Variants in TELO2 observed in about 807,000 individuals in gnomAD.
TELO2 encodes the protein telomere length regulation protein TEL2 homolog.
TELO2 carries 71 observed loss-of-function variants against 91.0 expected under a neutral mutation model. That is an observed-to-expected ratio of 0.78 (90% CI 0.64 to 0.95). The LOEUF (loss-of-function observed/expected upper bound fraction) is 0.95. TELO2 is among the 40% of genes least tolerant of loss of function. The pLI, the probability that TELO2 is intolerant of heterozygous loss-of-function variation, is 0.00. For synonymous variants in TELO2, 584 were observed against 518.9 expected, an observed-to-expected ratio of 1.13 and a Z score of -1.71; for missense variants, 1,183 against 1,141.3, an observed-to-expected ratio of 1.04 and a Z score of -0.53.
intron 13 of TELO2, 72 bp from the exon 14 acceptor site, chr16:1,502,573 C>T: frequency 1.9e-6 from 3 of 1,564,060 alleles, no homozygotes; most frequent in African/African-American, 1.3e-5. Context: ...GGCTCCGGCC[C>T]TGTGAGCCTC....
rs1167676872 is a variant in TELO2, at chr16:1,497,857, A to G, written c.830+349A>G. On this transcript the variant is annotated intron_variant, in intron 5 of 20. Transcript: ENST00000262319. This position sits in a 1 kb window ranked among gnomAD's most constrained non-coding sequence, Gnocchi z 4.0. ...GTGATGGGCGGTGACTCACTTCCCC[A>G]CGTCTTTGTGCAGGAGAATCAAGGT... Among the ~76,000 whole-genome samples, 2 of 151,864 alleles carry G rather than the reference A, an allele frequency of 1.3e-5. No homozygotes were observed. The highest frequency in any genetic ancestry group is 2.4e-5 in the African/African-American group (1 of 41,310).
chr16:1,505,531 G>A lies in TELO2; in HGVS notation c.1964G>A (p.Ser655Asn), dbSNP rs1232096085. Residue 655 changes from serine to asparagine, a missense_variant, in exon 16 of 21, where the codon AGT (serine) becomes AAT (asparagine). Physicochemically the swap from Ser to Asn is conservative, Grantham distance 46. Transcript: ENST00000262319. The surrounding 1 kb of genome is among the most constrained non-coding windows in gnomAD (Gnocchi z 4.3). ...GAGGCAGCCGTCTCTCAGCCTGGCA[G>A]TGCCGTGGCGTCTGACTGGCGGGTG... is the stretch of plus-strand genomic sequence containing the variant. The part of the protein sequence containing the change: ...LPEAAVSQPG[S>N]AVASDWRVVV... The A allele has an allele frequency of 1.2e-6, 2 of 1,613,118 alleles. No homozygotes were observed. The highest frequency in any genetic ancestry group is 8.5e-7 in the Non-Finnish European group (1 of 1,179,972).
At chr16:1,506,707 G>A in intron 17 of TELO2, 1 of 1,386,506 alleles carries the variant, frequency 7.2e-7, no homozygotes, top group Non-Finnish European at 9.4e-7. Context: ...GGCCTGGGTT[G>A]TGCTGCAGCA....
Position 1,497,513 on chromosome 16 carries a change from G to A in TELO2, c.830+5G>A. 1 of 1,553,286 alleles carries A rather than the reference G, an allele frequency of 6.4e-7. No homozygotes were observed. Among genetic ancestry groups the A allele is most frequent in the Non-Finnish European group, 8.7e-7 (1 of 1,152,964 alleles). ...GCTGGTGGAGGCCGCACTGGGGTAA[G>A]CAGCCAGGCTGTCCTCCAGCTGCAC... is the stretch of plus-strand genomic sequence containing the variant. On this transcript the variant is annotated splice_donor_5th_base_variant and intron_variant, in intron 5 of 20. Transcript: ENST00000262319. This position sits in a 1 kb window ranked among gnomAD's most constrained non-coding sequence, Gnocchi z 4.0.
intron 19 of TELO2, 45 bp downstream of exon 19, chr16:1,507,415 C>CA (rs1392158344): frequency 6.2e-7 from 1 of 1,602,694 alleles, no homozygotes; most frequent in Admixed American, 1.7e-5. Flanking sequence ...TGCAGGCAGA[C>CA]ACAGGGGTCT....
intron 7 of TELO2, 91 bp from the exon 8 acceptor site, chr16:1,500,256 G>T: frequency 6.5e-7 from 1 of 1,530,168 alleles, no homozygotes; most frequent in Non-Finnish European, 8.8e-7. Flanking sequence ...GGCTGGCTGG[G>T]CTGGGGCGGA....
In TELO2 at chr16:1,510,281, T is replaced by C. The variant is rs953780652; in HGVS notation, c.*345T>C. On this transcript the variant is annotated 3_prime_UTR_variant, in exon 21 of 21. Transcript: ENST00000262319. Reference sequence around the variant, plus strand: ...GCTCAGAGCCCCCAAGGCTCTCCTCTGAGAGCCACCAAGCAGGACAGAGCA... The same window carrying C: ...GCTCAGAGCCCCCAAGGCTCTCCTCCGAGAGCCACCAAGCAGGACAGAGCA... 2.9e-6 allele frequency: 1 copy of C among 347,994 alleles called. No homozygotes were observed. Among genetic ancestry groups the C allele is most frequent in the Non-Finnish European group, 5.5e-6 (1 of 181,724 alleles). 21.6% of individuals were successfully genotyped at this position (347,994 alleles called of 1,614,324 possible).
Position 1,507,634 on chromosome 16 carries a change from C to A in TELO2, c.2325C>A (p.Ser775=). ...YVRQGLLSAV[S]SVLLSLPAAR... ...GCCAGGGGCTGTTGTCGGCCGTCTC[C>A]TCCGTCCTGCTCAGCCTGCCTGCTG... The change falls in exon 20 of 21, where the codon TCC becomes TCA. Residue 775 remains serine (S), a synonymous_variant. Coordinates refer to ENST00000262319, the MANE Select transcript of TELO2 (RefSeq NM_016111.4). The A allele has an allele frequency of 6.3e-7, 1 of 1,598,468 alleles. No individual in the cohort carries two copies. The highest frequency in any genetic ancestry group is 8.5e-7 in the Non-Finnish European group (1 of 1,179,078).
rs2039857128 is a variant in TELO2, at chr16:1,505,482, A to G, written c.1915A>G (p.Ser639Gly). The change falls in exon 16 of 21, where the codon AGT becomes GGT. Residue 639 changes from serine to glycine, a missense_variant. Coordinates refer to ENST00000262319, the MANE Select transcript of TELO2 (RefSeq NM_016111.4). This position sits in a 1 kb window ranked among gnomAD's most constrained non-coding sequence, Gnocchi z 4.3. ...GAGGACTCCCCAACCTGGCTCCCCA[A>G]GTCCCAACACCCCGTGCCTGCCAGA... Reference protein sequence around the residue: ...LGRTPQPGSPSPNTPCLPEAA... With the variant: ...LGRTPQPGSPGPNTPCLPEAA... 11 of 1,613,034 alleles carry G rather than the reference A, an allele frequency of 6.8e-6. No individual in the cohort carries two copies. Among genetic ancestry groups the G allele is most frequent in the Non-Finnish European group, 7.6e-6 (9 of 1,180,008 alleles).
intron 13 of TELO2, 63 bp downstream of exon 13, chr16:1,502,467 G>T: frequency 6.5e-7 from 1 of 1,543,254 alleles, no homozygotes; most frequent in Non-Finnish European, 8.8e-7. Flanking sequence ...TGCCATCTGT[G>T]TCCTGGCCAC....
At chr16:1,502,611 C>T (rs575723581) in intron 13 of TELO2, 34 bp from the exon 14 acceptor site, 10 of 1,599,812 alleles carry the variant, frequency 6.3e-6, no homozygotes, top group African/African-American at 4.0e-5. Context: ...CAGCTGGGTC[C>T]GACAGGTTTC....
In TELO2 at chr16:1,509,814, C is replaced by T; in HGVS notation, c.2408-16C>T. 4 of 1,605,178 alleles carry T rather than the reference C, an allele frequency of 2.5e-6. No individual in the cohort carries two copies. Among genetic ancestry groups the T allele is most frequent in the Non-Finnish European group, 2.5e-6 (3 of 1,176,698 alleles). ...TCCACGCTGCCTCAGCTTTGCTTGT[C>T]ACTCTCGTCTGGCAGACGTGGCTGA... On this transcript the variant is annotated splice_polypyrimidine_tract_variant and intron_variant, in intron 20 of 20. Transcript: ENST00000262319.
chr16:1,504,621 G>A (rs145076594), intron 15 of TELO2, among the ~76,000 whole-genome samples: 13,481 of 128,454 alleles, frequency 0.1, 838 homozygotes, highest in East Asian at 0.25. Context: ...GCAGTGGCGC[G>A]ATCTTGACTC....
intron 3 of TELO2, 41 bp downstream of exon 3, chr16:1,495,664 C>A (rs2039462635): frequency 1.9e-6 from 3 of 1,544,160 alleles, no homozygotes; most frequent in African/African-American, 1.4e-5. Flanking sequence ...CACCCGTCTT[C>A]TTGGGTCCTC....
chr16:1,507,245 G>A, intron 18 of TELO2, 61 bp from the exon 19 acceptor site: 12 of 1,585,910 alleles, frequency 7.6e-6, no homozygotes, highest in Non-Finnish European at 1.0e-5. Flanking sequence ...AGCCGCCCAT[G>A]GGTGCTGGGA....
chr16:1,506,687 A>C (rs2039905155), intron 17 of TELO2: 1 of 1,376,680 alleles, frequency 7.3e-7, no homozygotes, highest in South Asian at 1.5e-5. Flanking sequence ...GAGATGGCAG[A>C]GAAGTGTGGG....
chr16:1,499,256 G>A lies in TELO2; in HGVS notation c.856G>A (p.Gly286Arg), dbSNP rs1488729515. 1 of 1,613,928 alleles carries A rather than the reference G, an allele frequency of 6.2e-7. No homozygotes were observed. Among genetic ancestry groups the A allele is most frequent in the Non-Finnish European group, 8.5e-7 (1 of 1,180,016 alleles). ...GCCTGAGGTCCTTTCGAGACTGCTG[G>A]GGAACCTGGTGGTGAAGAACAAGAA... is the stretch of plus-strand genomic sequence containing the variant. ...LGPEVLSRLL[G>R]NLVVKNKKAQ... The change falls in exon 6 of 21, where the codon GGG becomes AGG. Residue 286 changes from glycine (G) to arginine (R), a missense_variant. Coordinates refer to ENST00000262319, the MANE Select transcript of TELO2 (RefSeq NM_016111.4).
At chr16:1,501,866 C>G in intron 11 of TELO2, 93 bp downstream of exon 11, 1 of 1,461,376 alleles carries the variant, frequency 6.8e-7, no homozygotes, top group Non-Finnish European at 9.4e-7. Context: ...GGGCTCCCTG[C>G]CTGCTCCGTG....
chr16:1,501,603 G>A, intron 10 of TELO2, 60 bp from the exon 11 acceptor site: 3 of 1,573,010 alleles, frequency 1.9e-6, no homozygotes, highest in Non-Finnish European at 2.6e-6. Context: ...TGTCCTGTGA[G>A]TCCTGAGACC....
Sources: gnomAD v4.1 joint callset for allele counts (sites outside exome capture counted in the v4.1 genomes callset) on GRCh38, gnomAD v4.1.1 for gene constraint, Gnocchi (gnomAD v3.1) non-coding constraint, MANE v1.5 for transcripts, NCBI Gene and HGNC (gene_info 2026-07-23, HGNC 2026-07-21) for gene names.